Variants in F10 observed in about 807,000 individuals in gnomAD.
F10 encodes the protein Stuart-Prower factor.
A neutral mutation model predicts 37.1 loss-of-function variants in F10; 29 were observed. The ratio of observed to expected loss-of-function variants is 0.78; its 90% CI spans 0.58 to 1.07. The LOEUF (loss-of-function observed/expected upper bound fraction) is 1.07. Ranked by LOEUF, F10 falls within the 50% of genes least tolerant of loss-of-function variation. The pLI is 0.00. For synonymous variants in F10, 262 were observed against 268.6 expected (o/e 0.98, Z 0.24); for missense variants, 539 against 667.9 (o/e 0.81, Z 2.13).
At chr13:113,133,432 A>C (rs1566917176) in intron 2 of F10, among the ~76,000 whole-genome samples, 1 of 152,180 alleles carries the variant, frequency 6.6e-6, no homozygotes, top group Non-Finnish European at 1.5e-5. Flanking sequence ...CTGCATATAT[A>C]AATTTGCATG....
chr13:113,143,925 G>A lies in F10; in HGVS notation c.577G>A (p.Glu193Lys), dbSNP rs748860936. The A allele has an allele frequency of 2.5e-6, 4 of 1,613,356 alleles. No individual in the cohort carries two copies. The Admixed American group carries it at 6.7e-5, about 27-fold the overall frequency. ...GGCCCAGGCCACCAGCAGCAGCGGG[G>A]AGGCCCCTGACAGCATCACATGGAA... ...SVAQATSSSG[E>K]APDSITWKPY... The change falls in exon 6 of 8, where the codon GAG becomes AAG. Residue 193 changes from glutamate to lysine, a missense_variant. Glu to Lys is a moderately conservative substitution (Grantham distance 56). This residue lies in a region of F10 where 409 missense variants were observed against 547.9 expected (regional missense o/e 0.75). Coordinates refer to ENST00000375559, the MANE Select transcript of F10 (RefSeq NM_000504.4). This position sits in a 1 kb window ranked among gnomAD's most constrained non-coding sequence, Gnocchi z 6.8.
chr13:113,147,622 G>T (rs551762774), intron 7 of F10, 126 bp downstream of exon 7: 1 of 719,816 alleles, frequency 1.4e-6, no homozygotes, highest in East Asian at 2.6e-5. Context: ...TATTTGTAGG[G>T]GTTAGGGGCA....
intron 1 of F10, among the ~76,000 whole-genome samples, chr13:113,125,801 A>G (rs1057140670): frequency 2.6e-5 from 4 of 152,256 alleles, no homozygotes; most frequent in Non-Finnish European, 5.9e-5. Flanking sequence ...AGGCACGGGC[A>G]TACAGCTGTG....
chr13:113,143,723 C>T lies in F10; in HGVS notation c.503-128C>T, dbSNP rs926952767. 63 of 1,401,400 alleles carry T rather than the reference C, an allele frequency of 4.5e-5. No individual in the cohort carries two copies. The highest frequency in any genetic ancestry group is 6.2e-5 in the Admixed American group (3 of 48,534). The allele number at this position is 1,401,400 out of a possible 1,614,324, so 86.8% of individuals were successfully genotyped here. A position where few individuals can be genotyped will look rare whatever the true frequency, so the allele number is the denominator to read the frequency against. On this transcript the variant is annotated intron_variant, in intron 5 of 7. Transcript: ENST00000375559. This position sits in a 1 kb window ranked among gnomAD's most constrained non-coding sequence, Gnocchi z 6.8. Reference sequence around the variant, plus strand: ...GACGTGGGGCCTCGCCCTGCAAGCCCGCTGCCCCTCCGGGTGCCCCTGCGC... The same window carrying T: ...GACGTGGGGCCTCGCCCTGCAAGCCTGCTGCCCCTCCGGGTGCCCCTGCGC...
chr13:113,147,194 T>C (rs1252830795), intron 6 of F10, among the ~76,000 whole-genome samples, 185 bp from the exon 7 acceptor site: 1 of 152,088 alleles, frequency 6.6e-6, no homozygotes, highest in African/African-American at 2.4e-5. Flanking sequence ...CCTATATCAG[T>C]GAGTGTGTGG....
intron 2 of F10, among the ~76,000 whole-genome samples, chr13:113,132,662 G>T (rs1595090251): frequency 6.6e-6 from 1 of 152,198 alleles, no homozygotes; most frequent in Non-Finnish European, 1.5e-5. Context: ...GCAGTGTATT[G>T]CAGAATAAGA....
rs1009337426 is a variant in F10 at position 113,141,231 on chromosome 13, T to C, written c.502+181T>C. On this transcript the variant is annotated intron_variant, in intron 5 of 7. Coordinates refer to ENST00000375559, the MANE Select transcript of F10 (RefSeq NM_000504.4). This position sits in a 1 kb window ranked among gnomAD's most constrained non-coding sequence, Gnocchi z 5.4. ...CCAGGTGGTTCAAACATGAAGACCA[T>C]GAGGTTTGGAAACAGACCCATTATT... Among the ~76,000 whole-genome samples, 1 of 152,182 alleles carries C rather than the reference T, an allele frequency of 6.6e-6. No homozygotes were observed. The highest frequency in any genetic ancestry group is 1.9e-4 in the East Asian group (1 of 5,194).
chr13:113,140,719 C>T (rs960562554), intron 4 of F10, 200 bp from the exon 5 acceptor site: 36 of 764,486 alleles, frequency 4.7e-5, no homozygotes, highest in Admixed American at 1.4e-4. Context: ...CTGGCTACAC[C>T]GGGCACTGCA....
At chr13:113,148,834 T>C in intron 7 of F10, 82 bp from the exon 8 acceptor site, 1 of 1,547,988 alleles carries the variant, frequency 6.5e-7, no homozygotes, top group Non-Finnish European at 8.7e-7. Context: ...TAAAAAAATA[T>C]ATATAACTTC....
intron 4 of F10, 164 bp from the exon 5 acceptor site, chr13:113,140,755 G>A: frequency 2.0e-6 from 2 of 1,011,932 alleles, no homozygotes; most frequent in South Asian, 1.3e-5. Context: ...GACCCGTGAG[G>A]TTGCCCTTCA....
In F10 at chr13:113,149,343, C is replaced by T. The variant is rs1216734837; in HGVS notation, c.1293C>T (p.Tyr431=). The T allele has an allele frequency of 6.2e-7, 1 of 1,613,284 alleles. No homozygotes were observed. Among genetic ancestry groups the T allele is most frequent in the Non-Finnish European group, 8.5e-7 (1 of 1,180,030 alleles). The change falls in exon 8 of 8, where the codon TAC becomes TAT. Residue 431 remains tyrosine (Y), a synonymous_variant. Transcript: ENST00000375559. This position sits in a 1 kb window ranked among gnomAD's most constrained non-coding sequence, Gnocchi z 7.5. ...ACGTCACCCGCTTCAAGGACACCTA[C>T]TTCGTGACAGGCATCGTCAGCTGGG... The part of the protein sequence containing the change: ...GPHVTRFKDT[Y]FVTGIVSWGE...
rs1040981676 is a variant in F10 at position 113,146,463 on chromosome 13, G to T, written c.748-916G>T. 6.6e-6 allele frequency among the ~76,000 whole-genome samples: 1 copy of T among 152,202 alleles called. No individual in the cohort carries two copies. Among genetic ancestry groups the T allele is most frequent in the African/African-American group, 2.4e-5 (1 of 41,444 alleles). Reference sequence around the variant, plus strand: ...GGGGCGCCCTGGAGGGCTCACTGGAGGGGCCCTCGCCCAGCCTGTTGAGGT... The same window carrying T: ...GGGGCGCCCTGGAGGGCTCACTGGATGGGCCCTCGCCCAGCCTGTTGAGGT... On this transcript the variant is annotated intron_variant, in intron 6 of 7. Transcript: ENST00000375559. The surrounding 1 kb of genome is among the most constrained non-coding windows in gnomAD (Gnocchi z 4.5).
intron 1 of F10, chr13:113,128,777 C>A (rs901328649): frequency 1.3e-5 from 2 of 151,962 alleles, no homozygotes; most frequent in African/African-American, 2.4e-5. Flanking sequence ...GTAGAATCTC[C>A]TCCTGAGGCA....
Position 113,129,670 on chromosome 13 carries a change from T to G in F10, c.231+58T>G, listed in dbSNP as rs553419804. 5.6e-6 allele frequency: 9 copies of G among 1,608,702 alleles called. No homozygotes were observed. In the East Asian group the frequency reaches 8.9e-5, roughly 16 times the overall value. Reference sequence around the variant, plus strand: ...GGAGCTCAGGCCACAGCGCCCTCGCTGGCCCCGCTGCTCCGTCCATCCAGG... The same window carrying G: ...GGAGCTCAGGCCACAGCGCCCTCGCGGGCCCCGCTGCTCCGTCCATCCAGG... On this transcript the variant is annotated intron_variant, in intron 2 of 7. Transcript: ENST00000375559.
rs1555396300 is a variant in F10 at position 113,148,345 on chromosome 13, A to AATATATATAT, written c.866-562_866-553dup. On this transcript the variant is annotated intron_variant, in intron 7 of 7. Coordinates refer to ENST00000375559, the MANE Select transcript of F10 (RefSeq NM_000504.4). ...AACTCTGTCTCAAAAAAAAAAAAAAAATATATATATATATATATGTATATA... is the reference window on the plus strand; with the variant it reads ...AACTCTGTCTCAAAAAAAAAAAAAAAATATATATATATATATATATATATATATGTATATA... Among the ~76,000 whole-genome samples, 63 of 95,398 alleles carry AATATATATAT rather than the reference A, an allele frequency of 6.6e-4. 1 individual carries two copies. Among genetic ancestry groups the AATATATATAT allele is most frequent in the African/African-American group, 2.3e-3 (58 of 25,268 alleles). 62.6% of individuals were successfully genotyped at this position (95,398 alleles called of 152,430 possible).
intron 2 of F10, among the ~76,000 whole-genome samples, chr13:113,133,558 G>C (rs1179418087): frequency 6.6e-6 from 1 of 152,086 alleles, no homozygotes; most frequent in Non-Finnish European, 1.5e-5. Flanking sequence ...TTCTGAAAAA[G>C]TAATGTTCAG....
At chr13:113,140,104 C>T (rs2036513516) in intron 4 of F10, among the ~76,000 whole-genome samples, 3 of 137,524 alleles carry the variant, frequency 2.2e-5, no homozygotes, top group South Asian at 2.3e-4. Flanking sequence ...GATGGAGTCT[C>T]GCTCTGTGGC....
In F10 at chr13:113,141,016, C is replaced by T; in HGVS notation, c.468C>T (p.Thr156=). 6.2e-7 allele frequency: 1 copy of T among 1,614,042 alleles called. No homozygotes were observed. Among genetic ancestry groups the T allele is most frequent in the Non-Finnish European group, 8.5e-7 (1 of 1,180,044 alleles). ...SVVCSCARGY[T]LADNGKACIP... Reference sequence around the variant, plus strand: ...TGTGCTCCTGCGCCCGCGGGTACACCCTGGCTGACAACGGCAAGGCCTGCA... The same window carrying T: ...TGTGCTCCTGCGCCCGCGGGTACACTCTGGCTGACAACGGCAAGGCCTGCA... The change falls in exon 5 of 8, where the codon ACC becomes ACT. Residue 156 remains threonine (T), a synonymous_variant. Transcript: ENST00000375559. This position sits in a 1 kb window ranked among gnomAD's most constrained non-coding sequence, Gnocchi z 5.4.
intron 1 of F10, among the ~76,000 whole-genome samples, chr13:113,126,303 C>T (rs1248758706): frequency 6.6e-6 from 1 of 152,198 alleles, no homozygotes; most frequent in African/African-American, 2.4e-5. Context: ...AGGCCGTGTC[C>T]TACCCCCATG....
Sources: gnomAD v4.1 joint callset for allele counts (sites outside exome capture counted in the v4.1 genomes callset) on GRCh38, gnomAD v4.1.1 for gene constraint, gnomAD v4.1.1 regional missense constraint, Gnocchi (gnomAD v3.1) non-coding constraint, MANE v1.5 for transcripts, NCBI Gene and HGNC (gene_info 2026-07-23, HGNC 2026-07-21) for gene names.